The following SARS1 variants were observed in gnomAD, a reference collection of about 807,000 sequenced individuals.
The protein encoded by SARS1 is serine--tRNA ligase, cytoplasmic.
SARS1 carries 25 observed loss-of-function variants against 63.7 expected under a neutral mutation model. The ratio of observed to expected loss-of-function variants is 0.39; its 90% CI spans 0.29 to 0.55. The LOEUF is 0.55. Among genes scored for constraint, SARS1 ranks in the 20% least tolerant of loss-of-function variants. The pLI is 0.62. For missense variants in SARS1, 417 were observed against 649.7 expected (o/e 0.64, Z 3.89); for synonymous variants, 231 against 243.5 (o/e 0.95, Z 0.48).
chr1:109,226,734 ATATATT>A (rs1356215833), intron 2 of SARS1, among the ~76,000 whole-genome samples: 853 of 69,728 alleles, frequency 0.012, 19 homozygotes, highest in East Asian at 0.027. Context: ...ACACATATAT[ATATATT>A]TATTTATTTA....
At chr1:109,234,834 C>T (rs754496441) in intron 6 of SARS1, among the ~76,000 whole-genome samples, 6 of 152,106 alleles carry the variant, frequency 3.9e-5, no homozygotes, top group East Asian at 1.9e-4. Context: ...AGCGTGGTGG[C>T]GCGTGCCTGT....
chr1:109,231,083 ATT>A (rs61633547), intron 5 of SARS1, 62 bp downstream of exon 5: 279,446 of 670,020 alleles, frequency 0.42, 32,784 homozygotes, highest in Admixed American at 0.48. Context: ...ATATATATAT[ATT>A]TTTTTTTTTT....
intron 6 of SARS1, 53 bp downstream of exon 6, chr1:109,231,839 C>G: frequency 7.2e-7 from 1 of 1,392,024 alleles, no homozygotes; most frequent in Non-Finnish European, 9.5e-7. Flanking sequence ...TGTAGCTTAA[C>G]TTCAGTGATG....
intron 6 of SARS1, 64 bp downstream of exon 6, chr1:109,231,850 C>T (rs1655218650): frequency 3.8e-6 from 5 of 1,328,416 alleles, no homozygotes; most frequent in Non-Finnish European, 3.0e-6. Context: ...TTCAGTGATG[C>T]AGAGTGGTGC....
chr1:109,237,154 G>A lies in SARS1; in HGVS notation c.1258-90G>A, dbSNP rs1032344712. The A allele has an allele frequency of 6.6e-7, 1 of 1,523,506 alleles. No individual in the cohort carries two copies. The highest frequency in any genetic ancestry group is 8.8e-7 in the Non-Finnish European group (1 of 1,135,398). The allele number at this position is 1,523,506 out of a possible 1,614,324, so 94.4% of individuals were successfully genotyped here. On this transcript the variant is annotated intron_variant, in intron 9 of 10. Coordinates refer to ENST00000234677, the MANE Select transcript of SARS1 (RefSeq NM_006513.4). This position sits in a 1 kb window ranked among gnomAD's most constrained non-coding sequence, Gnocchi z 4.1. ...TTTTGATTTGGACAGTTGTGGTTGG[G>A]GAAGTCTGGTTGAATGGATGGTTCC...
chr1:109,216,597 T>C, intron 1 of SARS1: 1 of 985,084 alleles, frequency 1.0e-6, no homozygotes, highest in Middle Eastern at 5.2e-4. Context: ...GTGGTTTTTT[T>C]TTTCTTTTTA....
Position 109,236,585 on chromosome 1 carries a change from C to T in SARS1, c.1257+37C>T, listed in dbSNP as rs535462424. 16 of 1,590,296 alleles carry T rather than the reference C, an allele frequency of 1.0e-5. No individual in the cohort carries two copies. In the African/African-American group the frequency reaches 1.9e-4, roughly 19 times the overall value. On this transcript the variant is annotated intron_variant, in intron 9 of 10. Coordinates refer to ENST00000234677, the MANE Select transcript of SARS1 (RefSeq NM_006513.4). ...CCAGGGAGGTGGGAAGCAGAGTCTTCAGTACACGGCCCGTCCGAATTATTT... is the reference window on the plus strand; with the variant it reads ...CCAGGGAGGTGGGAAGCAGAGTCTTTAGTACACGGCCCGTCCGAATTATTT...
intron 1 of SARS1, chr1:109,215,790 C>G (rs1570751645): frequency 1.1e-5 from 5 of 436,070 alleles, no homozygotes; most frequent in Non-Finnish European, 1.5e-5. Context: ...ACTGCAACCT[C>G]CATCTCCCGG....
upstream of SARS1, chr1:109,213,905 T>G (rs1654722740): frequency 6.9e-7 from 1 of 1,454,666 alleles, no homozygotes; most frequent in Middle Eastern, 2.4e-4. Context: ...GAAGGGCGGG[T>G]CAGCGCGCCG....
chr1:109,229,051 A>G (rs529340716), intron 3 of SARS1, among the ~76,000 whole-genome samples: 6 of 152,368 alleles, frequency 3.9e-5, no homozygotes, highest in African/African-American at 1.4e-4. Context: ...AATGCAGCAC[A>G]TCAATGGAGT....
rs369558990 is a variant in SARS1, at chr1:109,236,560, C to G, written c.1257+12C>G. ...AGATGATGGACAAGGTAGATGGCCC[C>G]CAGGGAGGTGGGAAGCAGAGTCTTC... On this transcript the variant is annotated intron_variant, in intron 9 of 10. Transcript: ENST00000234677. 1 of 1,596,516 alleles carries G rather than the reference C, an allele frequency of 6.3e-7. No individual in the cohort carries two copies. The highest frequency in any genetic ancestry group is 1.1e-5 in the South Asian group (1 of 90,706).
Position 109,236,506 on chromosome 1 carries a change from G to A in SARS1, c.1215G>A (p.Arg405=). The A allele has an allele frequency of 6.2e-7, 1 of 1,607,296 alleles. No homozygotes were observed. Among genetic ancestry groups the A allele is most frequent in the Non-Finnish European group, 8.5e-7 (1 of 1,174,274 alleles). ...CSNCTDYQAR[R]LRIRYGQTKK... ...ATTGCACGGATTACCAGGCTCGCCG[G>A]CTTCGAATCCGATATGGGCAAACCA... Residue 405 remains arginine (R), a synonymous_variant, in exon 9 of 11, where the codon CGG becomes CGA. Transcript: ENST00000234677.
intron 4 of SARS1, among the ~76,000 whole-genome samples, chr1:109,230,485 T>G (rs1046285453): frequency 2.0e-5 from 3 of 152,098 alleles, no homozygotes; most frequent in African/African-American, 7.2e-5. Flanking sequence ...GAATAAAGTT[T>G]GGAAAGATGG....
At chr1:109,221,399 T>G (rs1386735089) in intron 1 of SARS1, among the ~76,000 whole-genome samples, 1 of 152,096 alleles carries the variant, frequency 6.6e-6, no homozygotes, top group Non-Finnish European at 1.5e-5. Context: ...CTTTCCCCCT[T>G]GAGGTTAGGA....
At chr1:109,224,180 A>G (rs1161623048) in intron 2 of SARS1, 132 bp downstream of exon 2, 11 of 692,042 alleles carry the variant, frequency 1.6e-5, no homozygotes. Flanking sequence ...ACCAAAGGGG[A>G]AAATATTATT....
At chr1:109,216,681 C>A in intron 1 of SARS1, 1 of 785,342 alleles carries the variant, frequency 1.3e-6, no homozygotes, top group Non-Finnish European at 1.5e-6. Flanking sequence ...GTCACCCAGG[C>A]ATGATCACAG....
chr1:109,213,985 G>A lies in SARS1; in HGVS notation c.-8G>A. ...GCTTCCCTGAGCGTTGGCCCGGGAGGAAAGAAGATGGTGCTGGATCTGGAT... is the reference window on the plus strand; with the variant it reads ...GCTTCCCTGAGCGTTGGCCCGGGAGAAAAGAAGATGGTGCTGGATCTGGAT... On this transcript the variant is annotated 5_prime_UTR_variant, in exon 1 of 11. Coordinates refer to ENST00000234677, the MANE Select transcript of SARS1 (RefSeq NM_006513.4). 1.2e-6 allele frequency: 2 copies of A among 1,607,440 alleles called. No individual in the cohort carries two copies. The highest frequency in any genetic ancestry group is 1.7e-6 in the Non-Finnish European group (2 of 1,176,546).
intron 1 of SARS1, chr1:109,215,540 G>C (rs1654762745): frequency 2.0e-6 from 2 of 985,222 alleles, no homozygotes; most frequent in African/African-American, 3.5e-5. Flanking sequence ...CCAGTACCTA[G>C]CACTGTACCT....
intron 3 of SARS1, among the ~76,000 whole-genome samples, chr1:109,228,693 A>C (rs190334475): frequency 6.6e-6 from 1 of 152,352 alleles, no homozygotes; most frequent in African/African-American, 2.4e-5. Flanking sequence ...TGTTTGGTTT[A>C]TATAACTCCA....
Sources: gnomAD v4.1 joint callset for allele counts (sites outside exome capture counted in the v4.1 genomes callset) on GRCh38, gnomAD v4.1.1 for gene constraint, Gnocchi (gnomAD v3.1) non-coding constraint, MANE v1.5 for transcripts, NCBI Gene and HGNC (gene_info 2026-07-23, HGNC 2026-07-21) for gene names.